FAT1: variants seen among roughly 807,000 people sequenced by gnomAD.
The protein encoded by FAT1 is FAT atypical cadherin 1, also known as protocadherin Fat 1.
A neutral mutation model predicts 329.8 loss-of-function variants in FAT1; 171 were observed. That is an observed-to-expected ratio of 0.52 (90% CI 0.46 to 0.59). The LOEUF (loss-of-function observed/expected upper bound fraction) is 0.59. Among genes scored for constraint, FAT1 ranks in the 20% least tolerant of loss-of-function variants. The pLI is 0.00. For synonymous variants in FAT1, 2,233 were observed against 2,228.6 expected (o/e 1.00, Z -0.06); for missense variants, 5,672 against 5,774.4 (o/e 0.98, Z 0.57).
chr4:186,696,426 C>A lies in FAT1; in HGVS notation c.3265+10137G>T, dbSNP rs758692991. The stretch of plus-strand genomic sequence containing the variant: ...AAATATGTAAACACCTTCAGCTGGG[C>A]AACAAATCGAAAGAAGAGGATCATG... On this transcript the variant is annotated intron_variant, in intron 2 of 26. Coordinates refer to ENST00000441802, the MANE Select transcript of FAT1 (RefSeq NM_005245.4). Among the ~76,000 whole-genome samples the A allele has an allele frequency of 5.3e-5, 8 of 152,048 alleles. No homozygotes were observed. The South Asian group carries it at 1.0e-3, about 20-fold the overall frequency.
chr4:186,597,605 T>C, intron 24 of FAT1, 77 bp downstream of exon 24: 1 of 961,260 alleles, frequency 1.0e-6, no homozygotes, highest in Non-Finnish European at 1.7e-6. Flanking sequence ...TTCAAATCAC[T>C]GAAGGTCTGT....
chr4:186,618,327 A>C lies in FAT1; in HGVS notation c.8259T>G (p.Ile2753Met), dbSNP rs767631717. 12 of 1,613,934 alleles carry C rather than the reference A, an allele frequency of 7.4e-6. No homozygotes were observed. Among genetic ancestry groups the C allele is most frequent in the Non-Finnish European group, 1.0e-5 (12 of 1,179,910 alleles). The change falls in exon 10 of 27, where the codon ATT becomes ATG. Residue 2753 changes from isoleucine (I) to methionine (M), a missense_variant. Transcript: ENST00000441802. Reference protein sequence around the residue: ...PESNRDESFVIDRQSGRLKLE... With the variant: ...PESNRDESFVMDRQSGRLKLE... ...ACTTCAGTCTCCCGCTCTGTCTGTCAATCACAAAGGACTCATCCCTATTGC... is the reference window on the plus strand; with the variant it reads ...ACTTCAGTCTCCCGCTCTGTCTGTCCATCACAAAGGACTCATCCCTATTGC...
intron 26 of FAT1, chr4:186,590,473 G>A (rs1360815510): frequency 9.2e-7 from 1 of 1,083,394 alleles, no homozygotes. Flanking sequence ...AGGCAATAAA[G>A]GTAAGTACAC....
rs368609391 is a variant in FAT1 at position 186,633,697 on chromosome 4, G to C, written c.4310C>G (p.Thr1437Ser). Residue 1437 changes from threonine (T) to serine (S), a missense_variant, in exon 7 of 27, where the codon ACT becomes AGT. This residue lies in a region of FAT1 where 3,966 missense variants were observed against 3,915.2 expected (regional missense o/e 1.01). Coordinates refer to ENST00000441802, the MANE Select transcript of FAT1 (RefSeq NM_005245.4). ...LTVEATDGTT[T>S]ILTQVFIKVI... ...TAATTCACTTACCTGAGTGAGGATA[G>C]TGGTGGTTCCATCTGTAGCCTCGAC... 1.2e-6 allele frequency: 2 copies of C among 1,613,828 alleles called. No individual in the cohort carries two copies. The highest frequency in any genetic ancestry group is 1.7e-6 in the Non-Finnish European group (2 of 1,179,880).
At chr4:186,605,821 T>C (rs1739105723) in intron 17 of FAT1, among the ~76,000 whole-genome samples, 1 of 151,968 alleles carries the variant, frequency 6.6e-6, no homozygotes, top group African/African-American at 2.4e-5. Flanking sequence ...CAGGTCTGAT[T>C]AAGCAATAAG....
At chr4:186,676,375 T>C (rs1742961439) in intron 2 of FAT1, among the ~76,000 whole-genome samples, 1 of 152,106 alleles carries the variant, frequency 6.6e-6, no homozygotes, top group Non-Finnish European at 1.5e-5. Flanking sequence ...TGTTAATATT[T>C]TCTAATGTTT....
rs907289790 is a variant in FAT1, at chr4:186,590,233, C to T, written c.13139-1013G>A. ...GGCAATCCGTGCTTCAAATGCAATG[C>T]GCACACACATGCAGCCGTGTACTTA... On this transcript the variant is annotated intron_variant, in intron 26 of 26. Coordinates refer to ENST00000441802, the MANE Select transcript of FAT1 (RefSeq NM_005245.4). 5.7e-5 allele frequency: 23 copies of T among 403,398 alleles called. 1 individual carries two copies. The Middle Eastern group carries it at 3.2e-3, about 56-fold the overall frequency. 25.0% of individuals were successfully genotyped at this position (403,398 alleles called of 1,614,324 possible).
intron 3 of FAT1, among the ~76,000 whole-genome samples, chr4:186,661,704 G>A (rs1460720819): frequency 6.6e-6 from 1 of 152,134 alleles, no homozygotes; most frequent in Non-Finnish European, 1.5e-5. Context: ...GTTTCCCTGG[G>A]TTCTGTGAGC....
intron 2 of FAT1, among the ~76,000 whole-genome samples, chr4:186,698,780 G>A (rs1045611888): frequency 9.2e-5 from 14 of 152,220 alleles, no homozygotes; most frequent in African/African-American, 2.7e-4. Flanking sequence ...ACTGGACCCC[G>A]TGCGATGGGA....
At chr4:186,702,311 G>C (rs1744369282) in intron 2 of FAT1, among the ~76,000 whole-genome samples, 1 of 152,186 alleles carries the variant, frequency 6.6e-6, no homozygotes, top group South Asian at 2.1e-4. Context: ...CCTGAAACCA[G>C]GATTGGGATG....
rs1170468502 is a variant in FAT1, at chr4:186,707,060, T to C, written c.2768A>G (p.Asn923Ser). ...ATTAGGTGGAATAAATGTAGGTGGG[T>C]TGTCATTAACATCTTCTAGTGATAC... is the stretch of plus-strand genomic sequence containing the variant. ...VKVSLEDVNDNPPTFIPPNYR... is the reference protein window; with the variant it reads ...VKVSLEDVNDSPPTFIPPNYR... Residue 923 changes from asparagine to serine, a missense_variant, in exon 2 of 27, where the codon AAC becomes AGC. Asn to Ser is a conservative substitution (Grantham distance 46). Coordinates refer to ENST00000441802, the MANE Select transcript of FAT1 (RefSeq NM_005245.4). The C allele has an allele frequency of 6.2e-6, 10 of 1,613,926 alleles. No homozygotes were observed. Among genetic ancestry groups the C allele is most frequent in the African/African-American group, 1.3e-5 (1 of 75,010 alleles).
chr4:186,691,381 G>T (rs987255797), intron 2 of FAT1, among the ~76,000 whole-genome samples: 1 of 152,152 alleles, frequency 6.6e-6, no homozygotes, highest in Non-Finnish European at 1.5e-5. Flanking sequence ...AAGACTTACT[G>T]TTTATGAGAA....
At chr4:186,668,185 C>T (rs1265920171) in intron 2 of FAT1, among the ~76,000 whole-genome samples, 2 of 152,134 alleles carry the variant, frequency 1.3e-5, no homozygotes, top group Non-Finnish European at 2.9e-5. Context: ...GCTTTTTAAT[C>T]TGTCAGCCCA....
chr4:186,606,350 T>C (rs1317120484), intron 16 of FAT1, 137 bp from the exon 17 acceptor site: 4 of 807,632 alleles, frequency 5.0e-6, no homozygotes, highest in Non-Finnish European at 7.7e-6. Flanking sequence ...CTGTGAGCGA[T>C]GCCCTAATCT....
At chr4:186,690,008 G>GC (rs1455403671) in intron 2 of FAT1, among the ~76,000 whole-genome samples, 1 of 152,082 alleles carries the variant, frequency 6.6e-6, no homozygotes, top group Non-Finnish European at 1.5e-5. Context: ...GGTTTTAGTA[G>GC]CCCCTTCCTC....
At position 186,617,943 on chromosome 4, in the gene FAT1, G is replaced by C. The variant is rs2126489511; in HGVS notation, c.8643C>G (p.Asp2881Glu). The change falls in exon 10 of 27, where the codon GAC (aspartate) becomes GAG (glutamate). Residue 2881 changes from aspartate to glutamate, a missense_variant. By Grantham distance (45) the Asp-to-Glu change is conservative. This residue lies in a region of FAT1 where 3,966 missense variants were observed against 3,915.2 expected (regional missense o/e 1.01). Transcript: ENST00000441802. The part of the protein sequence containing the change: ...TLKELDHEKR[D>E]NYQIKVVASD... ...ATGCAACCACTTTAATCTGGTAATTGTCTCTCTTTTCATGGTCAAGTTCCT... is the reference window on the plus strand; with the variant it reads ...ATGCAACCACTTTAATCTGGTAATTCTCTCTCTTTTCATGGTCAAGTTCCT... 1.2e-6 allele frequency: 2 copies of C among 1,613,972 alleles called. No individual in the cohort carries two copies. Among genetic ancestry groups the C allele is most frequent in the Non-Finnish European group, 1.7e-6 (2 of 1,179,892 alleles).
chr4:186,688,856 G>A (rs984381313), intron 2 of FAT1, among the ~76,000 whole-genome samples: 6 of 152,078 alleles, frequency 3.9e-5, no homozygotes, highest in East Asian at 1.9e-4. Flanking sequence ...ACCTGTATTC[G>A]TTTAAACCCA....
intron 2 of FAT1, among the ~76,000 whole-genome samples, chr4:186,681,439 G>A (rs1402386581): frequency 2.0e-5 from 3 of 152,158 alleles, no homozygotes; most frequent in Non-Finnish European, 4.4e-5. Context: ...TTCCAAGGAT[G>A]CTATTATTCA....
At chr4:186,630,647 G>A (rs1173217470) in intron 7 of FAT1, among the ~76,000 whole-genome samples, 1 of 152,100 alleles carries the variant, frequency 6.6e-6, no homozygotes, top group Admixed American at 6.5e-5. Context: ...CTCTCAGAAC[G>A]TGAAGAACAA....
Sources: gnomAD v4.1 joint callset for allele counts (sites outside exome capture counted in the v4.1 genomes callset) on GRCh38, gnomAD v4.1.1 for gene constraint, gnomAD v4.1.1 regional missense constraint, MANE v1.5 for transcripts, NCBI Gene and HGNC (gene_info 2026-07-23, HGNC 2026-07-21) for gene names.